Variants in CPEB3 observed in about 807,000 individuals in gnomAD.
The protein encoded by CPEB3 is cytoplasmic polyadenylation element binding protein 3, also known as cytoplasmic polyadenylation element-binding protein 3.
In CPEB3, 20 loss-of-function variants were observed where a neutral mutation model predicts 67.2. The ratio of observed to expected loss-of-function variants is 0.30; its 90% CI spans 0.21 to 0.43. CPEB3 has a LOEUF of 0.43. Ranked by LOEUF, CPEB3 falls within the 20% of genes least tolerant of loss-of-function variation. The pLI is 1.00. For missense variants in CPEB3, 746 were observed against 968.6 expected (o/e 0.77, Z 3.05); for synonymous variants, 376 against 393.1 (o/e 0.96, Z 0.51).
intron 1 of CPEB3, among the ~76,000 whole-genome samples, chr10:92,282,913 C>G (rs1277923740): frequency 2.0e-5 from 3 of 152,162 alleles, no homozygotes; most frequent in Admixed American, 2.0e-4. Context: ...CGAGGCTTAA[C>G]TTATTTCTGT....
At chr10:92,153,314 T>G (rs2133897212) in intron 4 of CPEB3, among the ~76,000 whole-genome samples, 1 of 152,370 alleles carries the variant, frequency 6.6e-6, no homozygotes, top group Middle Eastern at 3.4e-3. Flanking sequence ...TTAGAACTTT[T>G]GTTATCAATT....
chr10:92,063,329 C>T (rs541134986), intron 9 of CPEB3, among the ~76,000 whole-genome samples: 67 of 152,292 alleles, frequency 4.4e-4, no homozygotes, highest in Non-Finnish European at 8.5e-4. Flanking sequence ...CCTTCTCAGA[C>T]CTCAAAAGCT....
chr10:92,225,464 T>C lies in CPEB3; in HGVS notation c.1005+13882A>G, dbSNP rs888172780. 1.1e-4 allele frequency among the ~76,000 whole-genome samples: 16 copies of C among 152,238 alleles called. No homozygotes were observed. In the South Asian group the frequency reaches 1.9e-3, roughly 18 times the overall value. On this transcript the variant is annotated intron_variant, in intron 2 of 9. Transcript: ENST00000265997. Reference sequence around the variant, plus strand: ...AGGTGGGAGGATCTCTTGAACCCAGTTGGAGTCCAGCCTGGGCAACAATGC... The same window carrying C: ...AGGTGGGAGGATCTCTTGAACCCAGCTGGAGTCCAGCCTGGGCAACAATGC...
intron 6 of CPEB3, among the ~76,000 whole-genome samples, chr10:92,130,036 C>CCAAA (rs966901923): frequency 6.6e-6 from 1 of 151,844 alleles, no homozygotes; most frequent in Non-Finnish European, 1.5e-5. Context: ...GGCCCTGTCT[C>CCAAA]CAAACAAACA....
intron 6 of CPEB3, among the ~76,000 whole-genome samples, chr10:92,113,562 T>C (rs1233384193): frequency 2.0e-5 from 3 of 152,192 alleles, no homozygotes; most frequent in Admixed American, 6.5e-5. Context: ...TATGTATATA[T>C]TGTATTATGT....
At chr10:92,191,232 T>A (rs1848967141) in intron 3 of CPEB3, among the ~76,000 whole-genome samples, 1 of 151,814 alleles carries the variant, frequency 6.6e-6, no homozygotes, top group Non-Finnish European at 1.5e-5. Flanking sequence ...TGAAATCCCA[T>A]CTCTATTAAA....
intron 1 of CPEB3, among the ~76,000 whole-genome samples, chr10:92,258,625 AATATATAT>A (rs56316802): frequency 8.3e-3 from 271 of 32,758 alleles, no homozygotes; most frequent in African/African-American, 0.011. Flanking sequence ...ATATTTTTTG[AATATATAT>A]ATATATATAT....
At chr10:92,169,775 C>A (rs1018794626) in intron 4 of CPEB3, among the ~76,000 whole-genome samples, 11 of 152,202 alleles carry the variant, frequency 7.2e-5, no homozygotes, top group African/African-American at 2.7e-4. Context: ...TACTTTAGCA[C>A]CTTTTGGTTT....
chr10:92,216,201 G>A, intron 2 of CPEB3: 2 of 746,770 alleles, frequency 2.7e-6, no homozygotes, highest in Non-Finnish European at 4.3e-6. Flanking sequence ...ACTTTGGGAG[G>A]CCGAGGAGCA....
intron 3 of CPEB3, among the ~76,000 whole-genome samples, chr10:92,189,390 C>T (rs924103679): frequency 1.3e-5 from 2 of 152,150 alleles, no homozygotes; most frequent in African/African-American, 4.8e-5. Context: ...CATACTACTT[C>T]CAGCAAAAAA....
intron 2 of CPEB3, among the ~76,000 whole-genome samples, chr10:92,217,318 CTAA>C (rs1850476869): frequency 6.7e-6 from 1 of 148,948 alleles, no homozygotes; most frequent in Admixed American, 6.7e-5. Context: ...GAGCCATGCA[CTAA>C]TGATATAAAC....
intron 4 of CPEB3, among the ~76,000 whole-genome samples, chr10:92,175,810 C>T (rs537494752): frequency 6.0e-5 from 9 of 150,450 alleles, no homozygotes; most frequent in Admixed American, 5.3e-4. Flanking sequence ...CTAAACGTGG[C>T]CGGGTGTGGT....
At chr10:92,247,839 T>C (rs1852134254) in intron 1 of CPEB3, among the ~76,000 whole-genome samples, 1 of 152,146 alleles carries the variant, frequency 6.6e-6, no homozygotes. Flanking sequence ...TGAAATTTTA[T>C]CTTGAGATCA....
intron 6 of CPEB3, among the ~76,000 whole-genome samples, chr10:92,132,274 T>C (rs1428126670): frequency 6.6e-6 from 1 of 152,056 alleles, no homozygotes; most frequent in Admixed American, 6.6e-5. Flanking sequence ...GAGGAAAAAA[T>C]TGGACTAGCC....
intron 9 of CPEB3, among the ~76,000 whole-genome samples, chr10:92,071,260 G>T (rs1012360892): frequency 6.6e-6 from 1 of 152,146 alleles, no homozygotes; most frequent in Non-Finnish European, 1.5e-5. Context: ...ATTTAAAGTT[G>T]TAAAGATCTG....
intron 2 of CPEB3, among the ~76,000 whole-genome samples, chr10:92,215,026 T>A (rs1850280443): frequency 6.6e-6 from 1 of 151,872 alleles, no homozygotes; most frequent in Non-Finnish European, 1.5e-5. Flanking sequence ...TTTTGTATTT[T>A]TAGTGGAGGC....
intron 6 of CPEB3, among the ~76,000 whole-genome samples, chr10:92,126,853 A>G (rs1471830745): frequency 6.6e-6 from 1 of 152,208 alleles, no homozygotes; most frequent in African/African-American, 2.4e-5. Flanking sequence ...TTTAAAATAA[A>G]GGTTGCACTA....
chr10:92,190,837 A>C (rs1344349125), intron 3 of CPEB3, among the ~76,000 whole-genome samples: 3 of 152,160 alleles, frequency 2.0e-5, no homozygotes, highest in African/African-American at 7.2e-5. Context: ...TTTGACCCAA[A>C]GACTCTCACT....
intron 6 of CPEB3, among the ~76,000 whole-genome samples, chr10:92,139,813 ACCTG>A (rs1466065224): frequency 6.6e-6 from 1 of 152,100 alleles, no homozygotes; most frequent in Non-Finnish European, 1.5e-5. Flanking sequence ...GGTGGCTCAC[ACCTG>A]TAATCCCAGC....
Sources: allele counts gnomAD v4.1 joint callset (sites outside exome capture counted in the v4.1 genomes callset), GRCh38; gene constraint gnomAD v4.1.1; transcripts MANE v1.5; gene names NCBI Gene and HGNC (gene_info 2026-07-23, HGNC 2026-07-21).